Variants in CPNE2 observed in about 807,000 individuals in gnomAD.
CPNE2 encodes copine-2.
A neutral mutation model predicts 69.7 loss-of-function variants in CPNE2; 42 were observed. The ratio of observed to expected loss-of-function variants is 0.60; its 90% CI spans 0.47 to 0.78. The LOEUF (loss-of-function observed/expected upper bound fraction) is 0.78, where lower values mean the gene tolerates loss of function less well. Ranked by LOEUF, CPNE2 falls within the 30% of genes least tolerant of loss-of-function variation. The pLI, the probability that CPNE2 is intolerant of heterozygous loss-of-function variation, is 0.00. For synonymous variants in CPNE2, 294 were observed against 289.8 expected, an observed-to-expected ratio of 1.01 and a Z score of -0.15; for missense variants, 587 against 732.0, an observed-to-expected ratio of 0.80 and a Z score of 2.29.
intron 1 of CPNE2, chr16:57,105,931 A>T (rs555377204): frequency 6.6e-6 from 1 of 152,356 alleles, no homozygotes; most frequent in East Asian, 1.9e-4. Flanking sequence ...CCAGATGCGC[A>T]TGGCAGGCCC....
chr16:57,120,303 G>T (rs1349247238), intron 7 of CPNE2, among the ~76,000 whole-genome samples: 2 of 145,040 alleles, frequency 1.4e-5, no homozygotes, highest in African/African-American at 2.6e-5. Flanking sequence ...GGCCGGGCGC[G>T]GTGGCTCATG....
At chr16:57,131,455 C>T (rs1487265412) in intron 12 of CPNE2, among the ~76,000 whole-genome samples, 1 of 152,232 alleles carries the variant, frequency 6.6e-6, no homozygotes, top group East Asian at 1.9e-4. Flanking sequence ...AGCTGGGCCA[C>T]AGTGATGCCA....
In CPNE2 at chr16:57,125,830, C is replaced by T; in HGVS notation, c.928-30C>T. ...GATAGGGTGCTGGGGTCTCTGGCCC[C>T]ACTGGGTGGCCTTTTTCTCCACTCT... On this transcript the variant is annotated intron_variant, in intron 10 of 15. Transcript: ENST00000290776. 3 of 1,613,538 alleles carry T rather than the reference C, an allele frequency of 1.9e-6. No homozygotes were observed. In the South Asian group the frequency reaches 3.3e-5, roughly 18 times the overall value.
chr16:57,103,345 A>G (rs2069627375), intron 1 of CPNE2, among the ~76,000 whole-genome samples: 1 of 132,578 alleles, frequency 7.5e-6, no homozygotes, highest in Non-Finnish European at 1.8e-5. Flanking sequence ...GCTGGCCTCA[A>G]ACTCCTGGCC....
At chr16:57,098,942 G>GTGTTTTT (rs1416594873) in intron 1 of CPNE2, among the ~76,000 whole-genome samples, 2 of 152,168 alleles carry the variant, frequency 1.3e-5, no homozygotes, top group Admixed American at 6.5e-5. Flanking sequence ...ATTGGTTTTG[G>GTGTTTTT]TGTTTTTTGT....
chr16:57,094,735 G>A (rs919842951), intron 1 of CPNE2, among the ~76,000 whole-genome samples: 1 of 152,110 alleles, frequency 6.6e-6, no homozygotes, highest in African/African-American at 2.4e-5. Context: ...CCTTTGTGGG[G>A]TTGTCTCAGG....
rs2069970922 is a variant in CPNE2 at position 57,147,745 on chromosome 16, C to G, written c.*87C>G. On this transcript the variant is annotated 3_prime_UTR_variant, in exon 16 of 16. Transcript: ENST00000290776. Reference sequence around the variant, plus strand: ...GCTCACTCTGCTTCCTTGTGGGTGGCCTTTTTTTACCGATCCCCTTTTTTA... The same window carrying G: ...GCTCACTCTGCTTCCTTGTGGGTGGGCTTTTTTTACCGATCCCCTTTTTTA... 1 of 767,568 alleles carries G rather than the reference C, an allele frequency of 1.3e-6. No individual in the cohort carries two copies. Among genetic ancestry groups the G allele is most frequent in the Admixed American group, 3.7e-5 (1 of 27,272 alleles). 47.5% of individuals were successfully genotyped at this position (767,568 alleles called of 1,614,324 possible). A position where few individuals can be genotyped will look rare whatever the true frequency, so the allele number is the denominator to read the frequency against.
At chr16:57,122,520 A>G (rs1597498470) in intron 9 of CPNE2, among the ~76,000 whole-genome samples, 1 of 152,226 alleles carries the variant, frequency 6.6e-6, no homozygotes, top group Non-Finnish European at 1.5e-5. Flanking sequence ...TCCATCATTC[A>G]CATCACTTTT....
intron 11 of CPNE2, among the ~76,000 whole-genome samples, chr16:57,127,199 C>T (rs1567670727): frequency 1.3e-5 from 2 of 152,202 alleles, no homozygotes; most frequent in South Asian, 2.1e-4. Flanking sequence ...ATCTACAGAG[C>T]GAAGGGGCCA....
rs1314029340 is a variant in CPNE2, at chr16:57,121,887, C to G, written c.867+127C>G. ...ATCCCGGCTCTGCCACATCCTGGCC[C>G]TATGGCCTTCTGAGCTTCACCTCAC... On this transcript the variant is annotated intron_variant, in intron 9 of 15. Coordinates refer to ENST00000290776, the MANE Select transcript of CPNE2 (RefSeq NM_152727.6). 10 of 801,468 alleles carry G rather than the reference C, an allele frequency of 1.2e-5. No homozygotes were observed. The East Asian group carries it at 2.6e-4, about 21-fold the overall frequency. 49.6% of individuals were successfully genotyped at this position (801,468 alleles called of 1,614,324 possible).
At position 57,147,970 on chromosome 16, in the gene CPNE2, G is replaced by A. The variant is rs370531928; in HGVS notation, c.*312G>A. 453 of 248,872 alleles carry A rather than the reference G, an allele frequency of 1.8e-3. 15 individuals are homozygous for A. In the South Asian group the frequency reaches 0.07, roughly 38 times the overall value. 15.4% of individuals were successfully genotyped at this position (248,872 alleles called of 1,614,324 possible). A position where few individuals can be genotyped will look rare whatever the true frequency, so the allele number is the denominator to read the frequency against. On this transcript the variant is annotated 3_prime_UTR_variant, in exon 16 of 16. Coordinates refer to ENST00000290776, the MANE Select transcript of CPNE2 (RefSeq NM_152727.6). Reference sequence around the variant, plus strand: ...AATAAAATTTTTACAATCATAACTGGCTTTTTCCAAGTAACTAGCTGCAGA... The same window carrying A: ...AATAAAATTTTTACAATCATAACTGACTTTTTCCAAGTAACTAGCTGCAGA...
intron 1 of CPNE2, among the ~76,000 whole-genome samples, chr16:57,095,992 C>T (rs976907896): frequency 8.5e-5 from 13 of 152,248 alleles, no homozygotes; most frequent in Non-Finnish European, 1.3e-4. Context: ...CAAACAGTGT[C>T]TGTCTTGTTT....
Position 57,119,282 on chromosome 16 carries a change from G to C in CPNE2, c.591+4G>C. The C allele has an allele frequency of 6.2e-7, 1 of 1,613,884 alleles. No individual in the cohort carries two copies. Among genetic ancestry groups the C allele is most frequent in the South Asian group, 1.1e-5 (1 of 91,078 alleles). On this transcript the variant is annotated splice_donor_region_variant and intron_variant, in intron 6 of 15. Transcript: ENST00000290776. The stretch of plus-strand genomic sequence containing the variant: ...GATGCTGGTCCACAGGACTGAGGTG[G>C]GTACGTGGGGGCCCAGGGATCTCTA...
intron 1 of CPNE2, among the ~76,000 whole-genome samples, chr16:57,105,431 T>C (rs1236674684): frequency 4.0e-5 from 5 of 124,306 alleles, no homozygotes; most frequent in African/African-American, 2.0e-4. Context: ...ATGTGTCCGG[T>C]TTTTTTTTTT....
Position 57,110,224 on chromosome 16 carries a change from CTTT to C in CPNE2, c.-35-468_-35-466del, listed in dbSNP as rs145923720. Among the ~76,000 whole-genome samples, 265 of 119,022 alleles carry C rather than the reference CTTT, an allele frequency of 2.2e-3. 1 individual carries two copies. The highest frequency in any genetic ancestry group is 3.5e-3 in the African/African-American group (115 of 32,742). The allele number at this position is 119,022 out of a possible 152,430, so 78.1% of individuals were successfully genotyped here. ...CAGAGACTCTTTTTTCTTTTCTTTT[CTTT>C]TTTTTTTTTTTTTTTGAGATGGTAT... is the stretch of plus-strand genomic sequence containing the variant. On this transcript the variant is annotated intron_variant, in intron 1 of 15. Transcript: ENST00000290776.
At chr16:57,128,679 AT>A (rs2069817374) in intron 12 of CPNE2, among the ~76,000 whole-genome samples, 1 of 152,166 alleles carries the variant, frequency 6.6e-6, no homozygotes, top group African/African-American at 2.4e-5. Flanking sequence ...TGTGTGAAAT[AT>A]GGACTTTTAG....
rs1434820843 is a variant in CPNE2 at position 57,130,931 on chromosome 16, T to A, written c.1116+3028T>A. On this transcript the variant is annotated intron_variant, in intron 12 of 15. Coordinates refer to ENST00000290776, the MANE Select transcript of CPNE2 (RefSeq NM_152727.6). The surrounding 1 kb of genome is among the most constrained non-coding windows in gnomAD (Gnocchi z 4.1). ...GTCCCTGAGGTGTGGTTGTGGGTAG[T>A]CCTGGGGCAGGAGGCGGGGGCTCCT... Among the ~76,000 whole-genome samples the A allele has an allele frequency of 3.3e-5, 5 of 151,858 alleles. No homozygotes were observed. Among genetic ancestry groups the A allele is most frequent in the South Asian group, 2.1e-4 (1 of 4,812 alleles).
chr16:57,120,954 C>A (rs1185021894), intron 7 of CPNE2, 139 bp from the exon 8 acceptor site: 4 of 587,508 alleles, frequency 6.8e-6, no homozygotes, highest in Non-Finnish European at 9.0e-6. Context: ...AGTTCAGGAG[C>A]TATCCAGGCC....
chr16:57,107,996 G>A (rs1032560760), intron 1 of CPNE2, among the ~76,000 whole-genome samples: 5 of 149,962 alleles, frequency 3.3e-5, no homozygotes, highest in Non-Finnish European at 3.0e-5. Context: ...TCAGTCTCCC[G>A]AGTAGCTGGG....
Sources: gnomAD v4.1 joint callset for allele counts (sites outside exome capture counted in the v4.1 genomes callset) on GRCh38, gnomAD v4.1.1 for gene constraint, Gnocchi (gnomAD v3.1) non-coding constraint, MANE v1.5 for transcripts, NCBI Gene and HGNC (gene_info 2026-07-23, HGNC 2026-07-21) for gene names.